Variants in CABIN1 observed in about 807,000 individuals in gnomAD.
CABIN1 encodes the protein calcineurin binding protein 1.
CABIN1 carries 133 observed loss-of-function variants against 227.7 expected under a neutral mutation model. That is an observed-to-expected ratio of 0.58 (90% CI 0.51 to 0.67). The LOEUF (loss-of-function observed/expected upper bound fraction) is 0.67. Among genes scored for constraint, CABIN1 ranks in the 30% least tolerant of loss-of-function variants. The pLI is 0.00. For missense variants in CABIN1, 2,408 were observed against 2,852.5 expected (o/e 0.84, Z 3.55); for synonymous variants, 1,086 against 1,155.1 (o/e 0.94, Z 1.21).
Position 24,165,579 on chromosome 22 carries a change from A to G in CABIN1, c.4960A>G (p.Ile1654Val), listed in dbSNP as rs775126634. The change falls in exon 31 of 37, where the codon ATC (isoleucine) becomes GTC (valine). Residue 1654 changes from isoleucine (I) to valine (V), a missense_variant. Transcript: ENST00000263119. ...CCAGGTCCTGGCGCAGCGGGCCTTC[A>G]TCCTCACTGTGAAGGTGCTCGAAGA... is the stretch of plus-strand genomic sequence containing the variant. The part of the protein sequence containing the change: ...DRQVLAQRAF[I>V]LTVKVLEDTL... The G allele has an allele frequency of 6.2e-7, 1 of 1,613,222 alleles. No homozygotes were observed. The highest frequency in any genetic ancestry group is 1.7e-5 in the Admixed American group (1 of 60,006).
At chr22:24,092,714 G>GTGTGTC (rs1165623671) in intron 24 of CABIN1, among the ~76,000 whole-genome samples, 3 of 151,598 alleles carry the variant, frequency 2.0e-5, no homozygotes, top group African/African-American at 7.3e-5. Flanking sequence ...GTGTGTGTGT[G>GTGTGTC]TGTGTGTGTG....
chr22:24,028,137 G>A (rs1187710816), intron 1 of CABIN1, among the ~76,000 whole-genome samples: 1 of 152,138 alleles, frequency 6.6e-6, no homozygotes, highest in Non-Finnish European at 1.5e-5. Context: ...CTAAAAAAAT[G>A]TACATACCTT....
intron 16 of CABIN1, among the ~76,000 whole-genome samples, chr22:24,068,036 A>G (rs2039817691): frequency 6.6e-6 from 1 of 152,176 alleles, no homozygotes; most frequent in Non-Finnish European, 1.5e-5. Context: ...TCAATTTGGA[A>G]AGAGAGTCCA....
chr22:24,123,701 T>G lies in CABIN1; in HGVS notation c.4632+4003T>G, dbSNP rs150605260. On this transcript the variant is annotated intron_variant, in intron 28 of 36. Transcript: ENST00000263119. ...AGATCTGGGGGACACAACTCCATGT[T>G]GTCACTGACTAATGTGGAACCATTA... Among the ~76,000 whole-genome samples the G allele has an allele frequency of 2.5e-3, 377 of 152,380 alleles. 1 individual carries two copies. Among genetic ancestry groups the G allele is most frequent in the Non-Finnish European group, 4.0e-3 (269 of 68,038 alleles).
intron 25 of CABIN1, 106 bp downstream of exon 25, chr22:24,096,188 T>C: frequency 1.5e-6 from 2 of 1,323,596 alleles, no homozygotes; most frequent in Non-Finnish European, 2.2e-6. Context: ...CAGTAAACAG[T>C]AAACTAGAAC....
At chr22:24,028,568 G>C (rs186467122) in intron 1 of CABIN1, among the ~76,000 whole-genome samples, 4 of 152,120 alleles carry the variant, frequency 2.6e-5, no homozygotes, top group Admixed American at 1.3e-4. Flanking sequence ...TCCTCCAGTC[G>C]TTTTTTTCCA....
chr22:24,167,917 A>G (rs879518308), intron 32 of CABIN1, among the ~76,000 whole-genome samples: 4 of 152,172 alleles, frequency 2.6e-5, no homozygotes, highest in Non-Finnish European at 5.9e-5. Context: ...TATCACCATC[A>G]GGCCTGGGAT....
At chr22:24,115,114 T>A (rs1257812278) in intron 27 of CABIN1, among the ~76,000 whole-genome samples, 1 of 152,248 alleles carries the variant, frequency 6.6e-6, no homozygotes, top group African/African-American at 2.4e-5. Flanking sequence ...ATTTCTGTTT[T>A]TAAAAATAAG....
rs1460478990 is a variant in CABIN1, at chr22:24,049,315, A to T, written c.656+95A>T. ...CACATTCTCCCCTCAGGTCCCATGG[A>T]TGGAGCCCCTGTGCTCTGGGGCTTC... On this transcript the variant is annotated intron_variant, in intron 7 of 36. Coordinates refer to ENST00000263119, the MANE Select transcript of CABIN1 (RefSeq NM_012295.4). 10 of 1,474,028 alleles carry T rather than the reference A, an allele frequency of 6.8e-6. No individual in the cohort carries two copies. In the South Asian group the frequency reaches 6.9e-5, roughly 10 times the overall value. 91.3% of individuals were successfully genotyped at this position (1,474,028 alleles called of 1,614,324 possible).
intron 29 of CABIN1, among the ~76,000 whole-genome samples, chr22:24,147,551 T>G (rs1472421213): frequency 6.6e-6 from 1 of 151,610 alleles, no homozygotes; most frequent in Admixed American, 6.6e-5. Context: ...CATGCTCAAG[T>G]GATCCTGCTG....
rs1049318587 is a variant in CABIN1, at chr22:24,029,556, TA to T, written c.-74-5875del. On this transcript the variant is annotated intron_variant, in intron 1 of 36. Coordinates refer to ENST00000263119, the MANE Select transcript of CABIN1 (RefSeq NM_012295.4). Reference sequence around the variant, plus strand: ...TGGGCAACAGAGTGAGACCCTGTCTTAAAAAAAAAAAAATGGTAGTTGCTAG... The same window carrying T: ...TGGGCAACAGAGTGAGACCCTGTCTTAAAAAAAAAAAATGGTAGTTGCTAG... Among the ~76,000 whole-genome samples, 308 of 143,940 alleles carry T rather than the reference TA, an allele frequency of 2.1e-3. 2 individuals carry two copies. The highest frequency in any genetic ancestry group is 3.5e-3 in the Middle Eastern group (1 of 286). 94.4% of individuals were successfully genotyped at this position (143,940 alleles called of 152,430 possible).
intron 15 of CABIN1, 85 bp downstream of exon 15, chr22:24,064,272 C>G (rs2039420962): frequency 2.1e-6 from 3 of 1,396,788 alleles, no homozygotes; most frequent in Non-Finnish European, 3.0e-6. Context: ...ATAGTGCAAT[C>G]TCGGCTCACT....
At chr22:24,101,585 A>G (rs71318951) in intron 26 of CABIN1, 1 of 152,304 alleles carries the variant, frequency 6.6e-6, no homozygotes, top group Non-Finnish European at 1.5e-5. Flanking sequence ...AGAGAGAACA[A>G]CAGAGAGAGA....
intron 8 of CABIN1, among the ~76,000 whole-genome samples, chr22:24,053,734 A>G (rs2038551336): frequency 6.6e-6 from 1 of 152,038 alleles, no homozygotes; most frequent in Admixed American, 6.6e-5. Context: ...GGCTCTGTGC[A>G]GGGGACTGTG....
At position 24,071,016 on chromosome 22, in the gene CABIN1, G is replaced by A. The variant is rs186622707; in HGVS notation, c.2449G>A (p.Val817Met). 6.2e-7 allele frequency: 1 copy of A among 1,614,236 alleles called. No individual in the cohort carries two copies. The highest frequency in any genetic ancestry group is 8.5e-7 in the Non-Finnish European group (1 of 1,180,046). ...LKVSSSTTGL[V>M]RLTNNLIQVI... ...GGTATCATCCTCCACCACTGGCCTT[G>A]TGCGGCTCACCAACAACCTCATCCA... Residue 817 changes from valine to methionine, a missense_variant, in exon 17 of 37, where the codon GTG becomes ATG. Val to Met is a conservative substitution (Grantham distance 21, BLOSUM62 1). Transcript: ENST00000263119.
intron 10 of CABIN1, among the ~76,000 whole-genome samples, chr22:24,056,757 T>C (rs945837657): frequency 6.6e-6 from 1 of 152,154 alleles, no homozygotes; most frequent in African/African-American, 2.4e-5. Context: ...CTTGATTTGC[T>C]CCAGGCTCAG....
intron 29 of CABIN1, among the ~76,000 whole-genome samples, chr22:24,142,824 A>G (rs2044853134): frequency 6.6e-6 from 1 of 152,172 alleles, no homozygotes; most frequent in East Asian, 1.9e-4. Context: ...ACCTTCTCTC[A>G]TCAGGGCCAG....
In CABIN1 at chr22:24,168,439, C is replaced by T; in HGVS notation, c.5683-8C>T. The T allele has an allele frequency of 6.4e-7, 1 of 1,567,718 alleles. No homozygotes were observed. On this transcript the variant is annotated splice_polypyrimidine_tract_variant and splice_region_variant and intron_variant, in intron 32 of 36. Coordinates refer to ENST00000263119, the MANE Select transcript of CABIN1 (RefSeq NM_012295.4). ...GCGCCCCCTGACTTCCAGCATCTCC[C>T]TGTTAAGGTGGATGAGGAGGCTGCG...
At chr22:24,050,055 C>T (rs1329287571) in intron 7 of CABIN1, among the ~76,000 whole-genome samples, 4 of 152,194 alleles carry the variant, frequency 2.6e-5, no homozygotes, top group Non-Finnish European at 2.9e-5. Context: ...CACAGCCCTC[C>T]AGCCCAGCCA....
Sources: allele counts gnomAD v4.1 joint callset (sites outside exome capture counted in the v4.1 genomes callset), GRCh38; gene constraint gnomAD v4.1.1; transcripts MANE v1.5; gene names NCBI Gene and HGNC (gene_info 2026-07-23, HGNC 2026-07-21).